Variants in STN1 observed in about 807,000 individuals in gnomAD.
STN1 encodes the protein STN1 subunit of CST complex.
STN1 carries 29 observed loss-of-function variants against 45.5 expected under a neutral mutation model. The observed-to-expected ratio is 0.64, with a 90% CI of 0.47 to 0.87. The LOEUF is 0.87. STN1 is among the 40% of genes least tolerant of loss of function. The pLI is 0.00. For synonymous variants in STN1, 148 were observed against 159.0 expected, an observed-to-expected ratio of 0.93 and a Z score of 0.52; for missense variants, 376 against 441.4, an observed-to-expected ratio of 0.85 and a Z score of 1.33.
intron 4 of STN1, among the ~76,000 whole-genome samples, chr10:103,904,192 T>C (rs1843226894): frequency 6.6e-6 from 1 of 152,158 alleles, no homozygotes; most frequent in African/African-American, 2.4e-5. Context: ...CCACTGTGTA[T>C]GGCACTATAC....
intron 2 of STN1, 109 bp downstream of exon 2, chr10:103,917,353 G>T: frequency 1.0e-6 from 1 of 998,838 alleles, no homozygotes; most frequent in Non-Finnish European, 1.4e-6. Context: ...CCCTTTCAAA[G>T]CCTGCAGCAG....
At chr10:103,900,928 A>G (rs1427037885) in intron 4 of STN1, among the ~76,000 whole-genome samples, 1 of 152,216 alleles carries the variant, frequency 6.6e-6, no homozygotes, top group Non-Finnish European at 1.5e-5. Context: ...TGCTGTTCTA[A>G]GGAGTTTACA....
chr10:103,907,026 T>G (rs1175967395), intron 3 of STN1, among the ~76,000 whole-genome samples: 1 of 151,858 alleles, frequency 6.6e-6, no homozygotes, highest in Non-Finnish European at 1.5e-5. Flanking sequence ...GAGGCAGGAT[T>G]GCTTGAGTCC....
intron 3 of STN1, among the ~76,000 whole-genome samples, chr10:103,906,494 CA>C (rs990919175): frequency 2.0e-5 from 3 of 150,726 alleles, no homozygotes; most frequent in South Asian, 4.2e-4. Context: ...CCGTCTCTAC[CA>C]AAAAAAAATT....
At chr10:103,886,441 A>C (rs1200121037) in intron 9 of STN1, among the ~76,000 whole-genome samples, 1 of 152,086 alleles carries the variant, frequency 6.6e-6, no homozygotes, top group Non-Finnish European at 1.5e-5. Context: ...CAGAGTAAAA[A>C]GTTAGAGATA....
In STN1 at chr10:103,905,147, C is replaced by CTG; in HGVS notation, c.237_238dup (p.Ser80ThrfsTer6). The CTG allele has an allele frequency of 6.2e-7, 1 of 1,613,910 alleles. No individual in the cohort carries two copies. Among genetic ancestry groups the CTG allele is most frequent in the Non-Finnish European group, 8.5e-7 (1 of 1,179,792 alleles). The stretch of plus-strand genomic sequence containing the variant: ...GCAGATGCAGTTTATAACTCCAGTG[C>CTG]TGTCATCCACTGCAAGAGAAAAGCA... On this transcript the variant is annotated frameshift_variant, in exon 4 of 10. Coordinates refer to ENST00000224950, the MANE Select transcript of STN1 (RefSeq NM_024928.5). LOFTEE classifies it high-confidence loss of function.
At chr10:103,899,169 G>C (rs928125816) in intron 5 of STN1, among the ~76,000 whole-genome samples, 169 bp from the exon 6 acceptor site, 1 of 152,216 alleles carries the variant, frequency 6.6e-6, no homozygotes, top group Non-Finnish European at 1.5e-5. Flanking sequence ...ATGGCTCCCA[G>C]TCATCCTGCA....
At chr10:103,914,366 ATATATATATTTTT>A in intron 2 of STN1, among the ~76,000 whole-genome samples, 1 of 10,382 alleles carries the variant, frequency 9.6e-5, no homozygotes, top group East Asian at 5.6e-3. Context: ...ATATATATAT[ATATATATATTTTT>A]TTTTTTTTTT....
intron 8 of STN1, 57 bp downstream of exon 8, chr10:103,892,073 T>C (rs1843143037): frequency 7.4e-7 from 1 of 1,347,984 alleles, no homozygotes; most frequent in Non-Finnish European, 1.0e-6. Context: ...TCATAAGTAA[T>C]AAATATATTT....
In STN1 at chr10:103,897,605, C is replaced by T. The variant is rs11191853; in HGVS notation, c.696G>A (p.Val232=). 1 of 1,614,016 alleles carries T rather than the reference C, an allele frequency of 6.2e-7. No homozygotes were observed. Among genetic ancestry groups the T allele is most frequent in the East Asian group, 2.2e-5 (1 of 44,872 alleles). The change falls in exon 7 of 10, where the codon GTG becomes GTA. Residue 232 remains valine (V), a synonymous_variant. Coordinates refer to ENST00000224950, the MANE Select transcript of STN1 (RefSeq NM_024928.5). ...QSFYQQELEM[V]ESLLSLANQP... ...GATTGGCAAGGGACAGCAAAGACTC[C>T]ACCATTTCCAGCTCCTGCTGGTAAA...
chr10:103,912,440 C>T (rs568063730), intron 2 of STN1, among the ~76,000 whole-genome samples: 30 of 152,296 alleles, frequency 2.0e-4, no homozygotes, highest in Non-Finnish European at 3.5e-4. Flanking sequence ...AGTCCCCTGC[C>T]CCTGCCTGCC....
rs1843039514 is a variant in STN1, at chr10:103,877,639, G to C, written c.*5045C>G. 2 of 152,318 alleles carry C rather than the reference G, an allele frequency of 1.3e-5. No homozygotes were observed. The highest frequency in any genetic ancestry group is 2.4e-5 in the African/African-American group (1 of 41,568). 9.4% of individuals were successfully genotyped at this position (152,318 alleles called of 1,614,324 possible). Reference sequence around the variant, plus strand: ...AACAGATGATAGTGCAAGTTCAATAGAAGTAGGGTGATTTAAAAACATTCT... The same window carrying C: ...AACAGATGATAGTGCAAGTTCAATACAAGTAGGGTGATTTAAAAACATTCT... On this transcript the variant is annotated 3_prime_UTR_variant, in exon 10 of 10. Transcript: ENST00000224950.
chr10:103,899,006 A>G lies in STN1; in HGVS notation c.458-6T>C. 6.2e-7 allele frequency: 1 copy of G among 1,613,722 alleles called. No individual in the cohort carries two copies. Among genetic ancestry groups the G allele is most frequent in the East Asian group, 2.2e-5 (1 of 44,876 alleles). On this transcript the variant is annotated splice_region_variant and splice_polypyrimidine_tract_variant and intron_variant, in intron 5 of 9. Coordinates refer to ENST00000224950, the MANE Select transcript of STN1 (RefSeq NM_024928.5). ...CACTGGGTCGTCCACTTTATCTAAC[A>G]AGTGACCAGAAAAAAGATGCTACAG...
chr10:103,896,365 G>A (rs761749819), intron 7 of STN1, among the ~76,000 whole-genome samples: 3 of 152,040 alleles, frequency 2.0e-5, no homozygotes, highest in Non-Finnish European at 4.4e-5. Context: ...AAGGGTGAGG[G>A]GCCACGTGGC....
At chr10:103,886,798 T>C (rs966140893) in intron 9 of STN1, among the ~76,000 whole-genome samples, 6 of 152,222 alleles carry the variant, frequency 3.9e-5, no homozygotes, top group Non-Finnish European at 7.3e-5. Flanking sequence ...GTAGGTACTA[T>C]TATTATCCCC....
rs756103089 is a variant in STN1, at chr10:103,917,623, ACT to A, written c.-31_-30del. The A allele has an allele frequency of 2.5e-6, 4 of 1,609,886 alleles. No homozygotes were observed. Among genetic ancestry groups the A allele is most frequent in the Non-Finnish European group, 3.4e-6 (4 of 1,178,112 alleles). The stretch of plus-strand genomic sequence containing the variant: ...GAGGCAGGGCTGTGGCTTCCAGCTA[ACT>A]CTGAAAGGTTCTGCATCACTGAGTC... On this transcript the variant is annotated 5_prime_UTR_variant, in exon 2 of 10. Transcript: ENST00000224950.
intron 3 of STN1, 95 bp downstream of exon 3, chr10:103,910,432 G>C: frequency 1.3e-6 from 1 of 759,724 alleles, no homozygotes; most frequent in Non-Finnish European, 2.3e-6. Context: ...AGGGTCCCCA[G>C]CTACTCTAAA....
chr10:103,895,809 T>C (rs1286308777), intron 7 of STN1, among the ~76,000 whole-genome samples: 1 of 152,228 alleles, frequency 6.6e-6, no homozygotes, highest in South Asian at 2.1e-4. Flanking sequence ...TTGTTGGTGA[T>C]GGCAAGAGAT....
At chr10:103,907,578 T>C (rs1843250189) in intron 3 of STN1, among the ~76,000 whole-genome samples, 1 of 152,162 alleles carries the variant, frequency 6.6e-6, no homozygotes, top group African/African-American at 2.4e-5. Context: ...ACTGGGAACA[T>C]GTTTAGAATG....
Sources: allele counts gnomAD v4.1 joint callset (sites outside exome capture counted in the v4.1 genomes callset), GRCh38; gene constraint gnomAD v4.1.1; transcripts MANE v1.5; gene names NCBI Gene and HGNC (gene_info 2026-07-23, HGNC 2026-07-21).